GRID2: variants seen among roughly 807,000 people sequenced by gnomAD.
The protein encoded by GRID2 is glutamate receptor ionotropic, delta-2.
Under a neutral mutation model 114.8 loss-of-function variants are expected in GRID2, and 33 were observed. That is an observed-to-expected ratio of 0.29 (90% CI 0.22 to 0.38). GRID2 has a LOEUF of 0.38. GRID2 is among the 10% of genes least tolerant of loss of function. GRID2 has a pLI of 1.00. For synonymous variants in GRID2, 505 were observed against 449.9 expected, an observed-to-expected ratio of 1.12 and a Z score of -1.55; for missense variants, 1,184 against 1,257.7, an observed-to-expected ratio of 0.94 and a Z score of 0.89.
intron 13 of GRID2, among the ~76,000 whole-genome samples, chr4:93,622,885 T>C (rs1188380052): frequency 1.3e-5 from 2 of 152,236 alleles, no homozygotes; most frequent in African/African-American, 4.8e-5. Flanking sequence ...TATTCCATTC[T>C]TTTTTCAGTA....
chr4:93,493,863 A>G (rs11097369), intron 12 of GRID2, among the ~76,000 whole-genome samples: 38,804 of 151,662 alleles, frequency 0.26, 5,230 homozygotes, highest in Non-Finnish European at 0.31. Context: ...TTCCTTTCCA[A>G]TGCCAACTGG....
intron 5 of GRID2, among the ~76,000 whole-genome samples, chr4:93,208,978 A>C (rs1206882150): frequency 6.6e-6 from 1 of 152,072 alleles, no homozygotes; most frequent in Non-Finnish European, 1.5e-5. Flanking sequence ...CTCCAAGGAA[A>C]CTAAGTTTCA....
At chr4:92,601,349 A>C (rs892057047) in intron 2 of GRID2, among the ~76,000 whole-genome samples, 3 of 152,212 alleles carry the variant, frequency 2.0e-5, no homozygotes, top group African/African-American at 7.2e-5. Context: ...ACAACAGTGA[A>C]CTCATATTCA....
At chr4:93,030,898 A>C (rs1724359875) in intron 2 of GRID2, among the ~76,000 whole-genome samples, 1 of 151,990 alleles carries the variant, frequency 6.6e-6, no homozygotes, top group African/African-American at 2.4e-5. Flanking sequence ...GGAAGAGAGA[A>C]AACAAATCTC....
At chr4:92,532,724 T>TA (rs1484902410) in intron 1 of GRID2, among the ~76,000 whole-genome samples, 2 of 152,208 alleles carry the variant, frequency 1.3e-5, no homozygotes, top group Non-Finnish European at 2.9e-5. Flanking sequence ...CATGTAAATG[T>TA]AATATGTTTA....
chr4:92,370,383 G>A (rs1190119591), intron 1 of GRID2, among the ~76,000 whole-genome samples: 2 of 152,098 alleles, frequency 1.3e-5, no homozygotes, highest in African/African-American at 4.8e-5. Flanking sequence ...CGGGCACAGT[G>A]GCTCAAGCCT....
chr4:93,326,379 C>T (rs1244519975), intron 8 of GRID2, among the ~76,000 whole-genome samples: 9 of 152,150 alleles, frequency 5.9e-5, no homozygotes, highest in African/African-American at 2.2e-4. Context: ...TGCAAATATT[C>T]CTGGTGCTTG....
At chr4:93,741,191 A>G (rs1405174293) in intron 14 of GRID2, among the ~76,000 whole-genome samples, 1 of 31,780 alleles carries the variant, frequency 3.1e-5, no homozygotes. Flanking sequence ...ATATATATAT[A>G]TATATATATG....
At chr4:93,805,002 G>T (rs947563622) in intron 1 of GRID2, among the ~76,000 whole-genome samples, 2 of 152,156 alleles carry the variant, frequency 1.3e-5, no homozygotes, top group African/African-American at 2.4e-5. Flanking sequence ...ACTTTATGTT[G>T]TATACCAGTG....
At chr4:93,031,858 C>T (rs1019119315) in intron 2 of GRID2, among the ~76,000 whole-genome samples, 24 of 151,730 alleles carry the variant, frequency 1.6e-4, no homozygotes, top group African/African-American at 5.3e-4. Context: ...TAGTAGTGAC[C>T]TCTTGTAACT....
intron 10 of GRID2, among the ~76,000 whole-genome samples, chr4:93,435,520 G>A (rs1720996393): frequency 6.6e-6 from 1 of 152,100 alleles, no homozygotes; most frequent in South Asian, 2.1e-4. Context: ...ATGAATGAAG[G>A]AAATATTTGG....
At chr4:93,571,773 A>G (rs894578585) in intron 13 of GRID2, among the ~76,000 whole-genome samples, 4 of 152,140 alleles carry the variant, frequency 2.6e-5, no homozygotes, top group African/African-American at 9.6e-5. Flanking sequence ...AAAGGTATGA[A>G]ATGAAAAGTA....
intron 2 of GRID2, among the ~76,000 whole-genome samples, chr4:93,036,546 A>C (rs1409957816): frequency 1.3e-5 from 2 of 152,184 alleles, no homozygotes; most frequent in African/African-American, 4.8e-5. Context: ...TTTCAGAGAA[A>C]AGTGTTTTTG....
rs1334891763 is a variant in GRID2, at chr4:92,415,778, A to ATG, written c.88+111035_88+111036insGT. Among the ~76,000 whole-genome samples the ATG allele has an allele frequency of 2.6e-5, 3 of 115,524 alleles. No individual in the cohort carries two copies. In the South Asian group the frequency reaches 8.3e-4, roughly 32 times the overall value. 75.8% of individuals were successfully genotyped at this position (115,524 alleles called of 152,430 possible). On this transcript the variant is annotated intron_variant, in intron 1 of 15. Coordinates refer to ENST00000282020, the MANE Select transcript of GRID2 (RefSeq NM_001510.4). ...TATATATATATATATATATATATAT[A>ATG]TATCACATTTTCTTTATTCACTCAT...
At chr4:92,644,441 A>G (rs1165927410) in intron 2 of GRID2, among the ~76,000 whole-genome samples, 2 of 151,778 alleles carry the variant, frequency 1.3e-5, no homozygotes, top group Non-Finnish European at 2.9e-5. Context: ...ATTGTGAAGT[A>G]AATAGTTGTC....
chr4:93,016,592 T>C (rs1273655708), intron 2 of GRID2, among the ~76,000 whole-genome samples: 1 of 152,098 alleles, frequency 6.6e-6, no homozygotes, highest in Non-Finnish European at 1.5e-5. Context: ...TCAGCGTCTT[T>C]GAATGTGGTG....
At chr4:92,759,787 T>TC (rs1491311921) in intron 2 of GRID2, among the ~76,000 whole-genome samples, 2 of 150,094 alleles carry the variant, frequency 1.3e-5, no homozygotes, top group African/African-American at 4.9e-5. Context: ...TTCTTCTTCT[T>TC]CTTTTTTTTT....
chr4:92,621,857 G>C (rs1216085374), intron 2 of GRID2, among the ~76,000 whole-genome samples: 2 of 151,750 alleles, frequency 1.3e-5, no homozygotes, highest in South Asian at 2.1e-4. Context: ...AGAATAGCTA[G>C]AGTTTGGTGA....
At chr4:93,780,090 A>G (rs1331547582) in intron 1 of GRID2, among the ~76,000 whole-genome samples, 2 of 152,200 alleles carry the variant, frequency 1.3e-5, no homozygotes, top group African/African-American at 4.8e-5. Context: ...AAGTAAGTGA[A>G]GGATTAGTCT....
Sources: allele counts gnomAD v4.1 joint callset (sites outside exome capture counted in the v4.1 genomes callset), GRCh38; gene constraint gnomAD v4.1.1; transcripts MANE v1.5; gene names NCBI Gene and HGNC (gene_info 2026-07-23, HGNC 2026-07-21).